The following SOS1 variants were observed in gnomAD, a reference collection of about 807,000 sequenced individuals.
The protein encoded by SOS1 is SOS Ras/Rac guanine nucleotide exchange factor 1, also known as son of sevenless homolog 1.
SOS1 carries 25 observed loss-of-function variants against 157.6 expected under a neutral mutation model. The ratio of observed to expected loss-of-function variants is 0.16; its 90% CI spans 0.12 to 0.22. The LOEUF is 0.22. Among genes scored for constraint, SOS1 ranks in the 10% least tolerant of loss-of-function variants. The pLI is 1.00. For missense variants in SOS1, 1,237 were observed against 1,599.1 expected (o/e 0.77, Z 3.86); for synonymous variants, 528 against 534.0 (o/e 0.99, Z 0.16).
chr2:39,066,529 G>A (rs1671594217), intron 2 of SOS1, among the ~76,000 whole-genome samples: 2 of 152,182 alleles, frequency 1.3e-5, no homozygotes, highest in Non-Finnish European at 2.9e-5. Context: ...CAGTTTAGAT[G>A]TATCTTTTTC....
chr2:39,038,532 G>A (rs1414523637), intron 6 of SOS1, among the ~76,000 whole-genome samples: 3 of 151,430 alleles, frequency 2.0e-5, no homozygotes, highest in Non-Finnish European at 4.4e-5. Flanking sequence ...TCAAGAGATC[G>A]AGACCATCCT....
chr2:39,063,288 A>T (rs1671474568), intron 2 of SOS1, among the ~76,000 whole-genome samples: 1 of 152,046 alleles, frequency 6.6e-6, no homozygotes, highest in African/African-American at 2.4e-5. Context: ...ACACTTCGCA[A>T]CATTTACTTT....
chr2:39,102,582 G>A (rs948079596), intron 1 of SOS1, among the ~76,000 whole-genome samples: 4 of 150,692 alleles, frequency 2.7e-5, no homozygotes, highest in Non-Finnish European at 4.4e-5. Flanking sequence ...TTTTAAAAGG[G>A]TTATAGGTGA....
chr2:39,087,505 T>C (rs1558507389), intron 1 of SOS1, among the ~76,000 whole-genome samples: 1 of 152,206 alleles, frequency 6.6e-6, no homozygotes, highest in Admixed American at 6.5e-5. Context: ...TCTTGGAGAC[T>C]GCTAAGAGGA....
intron 1 of SOS1, among the ~76,000 whole-genome samples, chr2:39,098,974 A>C (rs1672871148): frequency 6.6e-6 from 1 of 152,112 alleles, no homozygotes; most frequent in South Asian, 2.1e-4. Context: ...ATTTCTTCAA[A>C]CAAGATCTAC....
Position 38,982,253 on chromosome 2 carries a change from CT to C in SOS1, c.*3570del, listed in dbSNP as rs1407801721. On this transcript the variant is annotated 3_prime_UTR_variant, in exon 23 of 23. Transcript: ENST00000402219. ...AATGGAAAATAAGGCATGGAATTTA[CT>C]AAACAAGTTACAAGTGCTTTTGTTG... The C allele has an allele frequency of 6.6e-6, 1 of 152,174 alleles. No individual in the cohort carries two copies. The highest frequency in any genetic ancestry group is 2.4e-5 in the African/African-American group (1 of 41,450). The allele number at this position is 152,174 out of a possible 1,614,324, so 9.4% of individuals were successfully genotyped here. A position where few individuals can be genotyped will look rare whatever the true frequency, so the allele number is the denominator to read the frequency against.
intron 8 of SOS1, among the ~76,000 whole-genome samples, chr2:39,025,626 C>G (rs879626752): frequency 2.6e-5 from 4 of 152,032 alleles, no homozygotes; most frequent in Non-Finnish European, 5.9e-5. Context: ...TCCCAAAGTG[C>G]TGGGATTACA....
At chr2:38,996,406 A>C (rs987524467) in intron 19 of SOS1, among the ~76,000 whole-genome samples, 2 of 152,188 alleles carry the variant, frequency 1.3e-5, no homozygotes, top group African/African-American at 2.4e-5. Context: ...TGACTTTTTT[A>C]TGAACAAGAG....
intron 8 of SOS1, 23 bp from the exon 9 acceptor site, chr2:39,024,160 C>G: frequency 1.3e-6 from 2 of 1,594,168 alleles, no homozygotes; most frequent in Non-Finnish European, 1.7e-6. Context: ...AATGACAAAT[C>G]TGAACCAGTA....
intron 3 of SOS1, 67 bp from the exon 4 acceptor site, chr2:39,056,933 T>TA (rs1418846659): frequency 5.3e-6 from 6 of 1,135,412 alleles, no homozygotes; most frequent in South Asian, 2.6e-5. Flanking sequence ...TGATTAAAAA[T>TA]AAAAAACATA....
At chr2:39,044,428 C>T (rs755415496) in intron 6 of SOS1, among the ~76,000 whole-genome samples, 5 of 152,146 alleles carry the variant, frequency 3.3e-5, no homozygotes, top group Non-Finnish European at 7.4e-5. Context: ...AGGTGTATCA[C>T]GTTATCTTTC....
At chr2:38,989,501 T>G (rs540630191) in intron 20 of SOS1, among the ~76,000 whole-genome samples, 187 bp from the exon 21 acceptor site, 1 of 152,254 alleles carries the variant, frequency 6.6e-6, no homozygotes, top group Non-Finnish European at 1.5e-5. Context: ...TATTGGGAAT[T>G]TAAGATTCCT....
At chr2:39,110,745 T>A (rs1673396270) in intron 1 of SOS1, among the ~76,000 whole-genome samples, 1 of 152,152 alleles carries the variant, frequency 6.6e-6, no homozygotes, top group Admixed American at 6.5e-5. Context: ...CGGCAAAGGG[T>A]TCTTAGATAT....
intron 17 of SOS1, among the ~76,000 whole-genome samples, chr2:39,005,246 T>C (rs1457791489): frequency 6.6e-6 from 1 of 152,206 alleles, no homozygotes; most frequent in Non-Finnish European, 1.5e-5. Flanking sequence ...AAGCTGACCA[T>C]GGATAACTGA....
chr2:39,010,735 AC>A (rs1669437955), intron 14 of SOS1, 32 bp from the exon 15 acceptor site: 1 of 1,565,896 alleles, frequency 6.4e-7, no homozygotes, highest in Non-Finnish European at 8.8e-7. Flanking sequence ...TCTACATGAC[AC>A]TTTTTTCTCT....
intron 6 of SOS1, among the ~76,000 whole-genome samples, chr2:39,042,254 G>A (rs563090802): frequency 6.6e-6 from 1 of 152,020 alleles, no homozygotes; most frequent in South Asian, 2.1e-4. Context: ...CTTACCATGT[G>A]AATTTTAGGA....
intron 20 of SOS1, among the ~76,000 whole-genome samples, chr2:38,989,835 TTA>T (rs1334702146): frequency 1.3e-5 from 2 of 152,130 alleles, no homozygotes; most frequent in Non-Finnish European, 2.9e-5. Flanking sequence ...GTTTTTCCTT[TTA>T]TAGTCATAAA....
intron 1 of SOS1, among the ~76,000 whole-genome samples, chr2:39,071,172 C>T (rs916412944): frequency 2.0e-5 from 3 of 152,080 alleles, no homozygotes; most frequent in Non-Finnish European, 4.4e-5. Flanking sequence ...CCAGCCAGTC[C>T]CTCTATTTAG....
intron 17 of SOS1, among the ~76,000 whole-genome samples, chr2:38,999,382 C>G (rs1669015689): frequency 6.6e-6 from 1 of 152,106 alleles, no homozygotes; most frequent in Non-Finnish European, 1.5e-5. Context: ...AGGCATACAC[C>G]ACAGAAATCT....
Sources: gnomAD v4.1 joint callset for allele counts (sites outside exome capture counted in the v4.1 genomes callset) on GRCh38, gnomAD v4.1.1 for gene constraint, MANE v1.5 for transcripts, NCBI Gene and HGNC (gene_info 2026-07-23, HGNC 2026-07-21) for gene names.